Variants in FNIP1 observed in about 807,000 individuals in gnomAD.
FNIP1 encodes folliculin interacting protein 1, also known as folliculin-interacting protein 1.
In FNIP1, 40 loss-of-function variants were observed where a neutral mutation model predicts 124.5. The ratio of observed to expected loss-of-function variants is 0.32; its 90% CI spans 0.25 to 0.42. FNIP1 has a LOEUF of 0.42. FNIP1 is among the 10% of genes least tolerant of loss of function. FNIP1 has a pLI of 1.00. For synonymous variants in FNIP1, 472 were observed against 470.6 expected, an observed-to-expected ratio of 1.00 and a Z score of -0.04; for missense variants, 1,176 against 1,403.7, an observed-to-expected ratio of 0.84 and a Z score of 2.59.
chr5:131,741,710 G>T (rs1580802285), intron 2 of FNIP1, among the ~76,000 whole-genome samples: 1 of 152,230 alleles, frequency 6.6e-6, no homozygotes, highest in Non-Finnish European at 1.5e-5. Context: ...AAGGAAAACT[G>T]CCATGTGTCT....
intron 13 of FNIP1, among the ~76,000 whole-genome samples, chr5:131,674,809 CTA>C (rs925965993): frequency 1.3e-5 from 2 of 151,496 alleles, no homozygotes; most frequent in Non-Finnish European, 2.9e-5. Context: ...TTAAAATCCT[CTA>C]TTTTTACTTT....
intron 1 of FNIP1, chr5:131,795,579 C>T (rs1041461633): frequency 2.0e-5 from 3 of 152,016 alleles, no homozygotes; most frequent in African/African-American, 7.3e-5. Context: ...AAAGGAAAAA[C>T]ACTAAAGAAA....
chr5:131,794,372 T>C (rs2149592957), intron 1 of FNIP1, among the ~76,000 whole-genome samples: 1 of 151,572 alleles, frequency 6.6e-6, no homozygotes, highest in African/African-American at 2.4e-5. Context: ...CTACTGAGAA[T>C]ACAAAATGGT....
At chr5:131,776,280 A>G (rs927478266) in intron 1 of FNIP1, among the ~76,000 whole-genome samples, 7 of 152,204 alleles carry the variant, frequency 4.6e-5, no homozygotes, top group African/African-American at 1.7e-4. Flanking sequence ...TATAATTCTG[A>G]CACATGTGCA....
At chr5:131,668,569 C>T (rs952045654) in intron 15 of FNIP1, among the ~76,000 whole-genome samples, 2 of 152,162 alleles carry the variant, frequency 1.3e-5, no homozygotes, top group African/African-American at 4.8e-5. Context: ...CCTGTAATCC[C>T]AGCTACTCCA....
At chr5:131,775,046 C>G (rs932939157) in intron 1 of FNIP1, among the ~76,000 whole-genome samples, 15 of 152,300 alleles carry the variant, frequency 9.8e-5, no homozygotes, top group African/African-American at 3.6e-4. Flanking sequence ...GGATTTGATC[C>G]AAGCAAGTTG....
intron 1 of FNIP1, among the ~76,000 whole-genome samples, chr5:131,750,938 C>T (rs1488594237): frequency 6.6e-6 from 1 of 152,148 alleles, no homozygotes; most frequent in Non-Finnish European, 1.5e-5. Context: ...ACAAAATTTT[C>T]TGGAGAAAAT....
intron 15 of FNIP1, among the ~76,000 whole-genome samples, chr5:131,659,276 G>C (rs1035794379): frequency 6.6e-6 from 1 of 152,218 alleles, no homozygotes; most frequent in African/African-American, 2.4e-5. Context: ...TTTCATGATG[G>C]AGTTGAAGGT....
intron 2 of FNIP1, among the ~76,000 whole-genome samples, chr5:131,735,274 A>C (rs573568597): frequency 1.3e-5 from 2 of 152,214 alleles, no homozygotes; most frequent in South Asian, 4.1e-4. Context: ...ACACTTGGAC[A>C]CACGAAGGGG....
At chr5:131,691,517 T>C (rs1768480367) in intron 11 of FNIP1, among the ~76,000 whole-genome samples, 1 of 151,904 alleles carries the variant, frequency 6.6e-6, no homozygotes, top group Non-Finnish European at 1.5e-5. Context: ...GAACAGAAAA[T>C]AGAGAATATC....
At chr5:131,691,249 C>A (rs1260642596) in intron 11 of FNIP1, among the ~76,000 whole-genome samples, 1 of 152,078 alleles carries the variant, frequency 6.6e-6, no homozygotes, top group African/African-American at 2.4e-5. Context: ...CTAAATAACA[C>A]ATAGGTCAAA....
intron 15 of FNIP1, among the ~76,000 whole-genome samples, chr5:131,664,457 G>A (rs1440223735): frequency 6.6e-6 from 1 of 151,794 alleles, no homozygotes; most frequent in East Asian, 1.9e-4. Flanking sequence ...ATAATACAGC[G>A]AGACCCCATC....
chr5:131,795,790 A>T (rs1772566774), intron 1 of FNIP1: 1 of 152,110 alleles, frequency 6.6e-6, no homozygotes, highest in East Asian at 1.9e-4. Context: ...AAAATTTGAC[A>T]GATTCTCTTT....
chr5:131,778,539 CT>C (rs1245481926), intron 1 of FNIP1, among the ~76,000 whole-genome samples: 1 of 139,788 alleles, frequency 7.2e-6, no homozygotes, highest in African/African-American at 2.7e-5. Flanking sequence ...CACTTTTACA[CT>C]GTTGGTGGGA....
At chr5:131,671,405 G>C in intron 14 of FNIP1, 100 bp downstream of exon 14, 1 of 990,342 alleles carries the variant, frequency 1.0e-6, no homozygotes, top group Non-Finnish European at 1.5e-6. Flanking sequence ...GAGCTATCCA[G>C]AACAATGATC....
intron 1 of FNIP1, among the ~76,000 whole-genome samples, chr5:131,758,365 G>A (rs938100207): frequency 6.6e-6 from 1 of 152,142 alleles, no homozygotes; most frequent in Non-Finnish European, 1.5e-5. Flanking sequence ...GTACTCAAGT[G>A]TTTAGAATGA....
rs1769116217 is a variant in FNIP1 at position 131,706,460 on chromosome 5, A to G, written c.865T>C (p.Trp289Arg). The G allele has an allele frequency of 6.2e-7, 1 of 1,613,408 alleles. No homozygotes were observed. Among genetic ancestry groups the G allele is most frequent in the African/African-American group, 1.3e-5 (1 of 74,906 alleles). Residue 289 changes from tryptophan (W) to arginine (R), a missense_variant, in exon 9 of 18, where the codon TGG becomes CGG. Transcript: ENST00000510461. ...RSCASSYQRR[W>R]RRSQTTSLEN... Reference sequence around the variant, plus strand: ...AAACTTGTTGTTTGGCTGCGTCGCCAACGTCGCTGGTAGCTGCTGGCACAA... The same window carrying G: ...AAACTTGTTGTTTGGCTGCGTCGCCGACGTCGCTGGTAGCTGCTGGCACAA...
At chr5:131,759,345 CTG>C (rs1771150799) in intron 1 of FNIP1, among the ~76,000 whole-genome samples, 1 of 152,142 alleles carries the variant, frequency 6.6e-6, no homozygotes, top group Non-Finnish European at 1.5e-5. Flanking sequence ...TATTCACAAA[CTG>C]TGCATCTGAC....
At chr5:131,736,316 A>G (rs996057706) in intron 2 of FNIP1, among the ~76,000 whole-genome samples, 1 of 152,234 alleles carries the variant, frequency 6.6e-6, no homozygotes, top group African/African-American at 2.4e-5. Context: ...GCTATTTTAC[A>G]GATGAGAAAC....
Sources: gnomAD v4.1 joint callset for allele counts (sites outside exome capture counted in the v4.1 genomes callset) on GRCh38, gnomAD v4.1.1 for gene constraint, MANE v1.5 for transcripts, NCBI Gene and HGNC (gene_info 2026-07-23, HGNC 2026-07-21) for gene names.